The following SRP68 variants were observed in gnomAD, a reference collection of about 807,000 sequenced individuals.
The protein encoded by SRP68 is signal recognition particle 68, also known as signal recognition particle subunit SRP68.
Under a neutral mutation model 82.2 loss-of-function variants are expected in SRP68, and 15 were observed. The ratio of observed to expected loss-of-function variants is 0.18; its 90% CI spans 0.12 to 0.28. The LOEUF is 0.28. Among genes scored for constraint, SRP68 ranks in the 10% least tolerant of loss-of-function variants. The pLI is 1.00. For missense variants in SRP68, 595 were observed against 780.5 expected (o/e 0.76, Z 2.83); for synonymous variants, 261 against 292.6 (o/e 0.89, Z 1.10).
At chr17:76,042,709 C>T (rs1598257199) in intron 13 of SRP68, among the ~76,000 whole-genome samples, 1 of 152,086 alleles carries the variant, frequency 6.6e-6, no homozygotes, top group Admixed American at 6.6e-5. Context: ...CTCAGCTTCT[C>T]AAGTAGCTGG....
At chr17:76,062,578 CAT>C (rs2066764310) in intron 4 of SRP68, among the ~76,000 whole-genome samples, 1 of 36,322 alleles carries the variant, frequency 2.8e-5, no homozygotes, top group Non-Finnish European at 4.2e-5. Flanking sequence ...ATATAATATA[CAT>C]TATATAATAT....
intron 4 of SRP68, 103 bp from the exon 5 acceptor site, chr17:76,061,677 T>C (rs1598267120): frequency 5.3e-6 from 5 of 950,686 alleles, no homozygotes; most frequent in Middle Eastern, 5.3e-4. Context: ...AATATGGATA[T>C]GGGCCAGGTG....
chr17:76,062,766 A>ATATATAT (rs2066776515), intron 4 of SRP68, among the ~76,000 whole-genome samples: 2 of 71,634 alleles, frequency 2.8e-5, no homozygotes, highest in Non-Finnish European at 5.1e-5. Context: ...TATATATATA[A>ATATATAT]AATATATATA....
At chr17:76,069,243 C>A (rs1267656246) in intron 2 of SRP68, among the ~76,000 whole-genome samples, 5 of 150,340 alleles carry the variant, frequency 3.3e-5, no homozygotes, top group Admixed American at 3.3e-4. Flanking sequence ...CAAAAATTAG[C>A]CAGGCATGGT....
chr17:76,045,244 A>C, intron 12 of SRP68, 48 bp downstream of exon 12: 1 of 1,470,404 alleles, frequency 6.8e-7, no homozygotes, highest in South Asian at 1.1e-5. Context: ...CCCAATGCTT[A>C]TAGAACCTGG....
intron 4 of SRP68, 72 bp from the exon 5 acceptor site, chr17:76,061,646 G>T: frequency 1.6e-6 from 2 of 1,288,946 alleles, no homozygotes; most frequent in Non-Finnish European, 2.2e-6. Context: ...TCCTTTATTG[G>T]CTTCTAACTT....
At chr17:76,044,214 AG>A in intron 12 of SRP68, among the ~76,000 whole-genome samples, 1 of 152,270 alleles carries the variant, frequency 6.6e-6, no homozygotes, top group African/African-American at 2.4e-5. Context: ...TCTGCAGAGG[AG>A]GAACAGTTCC....
chr17:76,055,263 G>A (rs144763605), intron 8 of SRP68, among the ~76,000 whole-genome samples: 1,583 of 151,056 alleles, frequency 0.01, 18 homozygotes, highest in African/African-American at 0.035. Flanking sequence ...CACCGCACCC[G>A]GCCTAGGCTG....
intron 8 of SRP68, among the ~76,000 whole-genome samples, chr17:76,051,413 T>A (rs1474472349): frequency 6.6e-6 from 1 of 152,186 alleles, no homozygotes; most frequent in Non-Finnish European, 1.5e-5. Context: ...TCCATTATGG[T>A]ATTTGACTTC....
At chr17:76,043,753 T>G (rs1468317474) in intron 13 of SRP68, 76 bp downstream of exon 13, 5 of 1,468,630 alleles carry the variant, frequency 3.4e-6, no homozygotes, top group Non-Finnish European at 4.5e-6. Context: ...GCCCAGCTGT[T>G]GTACCCTCAC....
chr17:76,060,794 G>C, intron 6 of SRP68: 1 of 352,266 alleles, frequency 2.8e-6, no homozygotes. Flanking sequence ...ATGGATCTCT[G>C]TATCTTTCTC....
At chr17:76,066,130 C>T (rs569121907) in intron 3 of SRP68, among the ~76,000 whole-genome samples, 26 of 152,122 alleles carry the variant, frequency 1.7e-4, no homozygotes, top group African/African-American at 5.5e-4. Flanking sequence ...GTGTATTCAG[C>T]ACTGAAATAC....
chr17:76,057,580 G>C (rs568440356), intron 7 of SRP68, 37 bp from the exon 8 acceptor site: 2 of 1,609,270 alleles, frequency 1.2e-6, no homozygotes, highest in Non-Finnish European at 1.7e-6. Flanking sequence ...GCTTTAACTG[G>C]GGATATGAGT....
intron 8 of SRP68, among the ~76,000 whole-genome samples, chr17:76,051,098 T>C (rs777954420): frequency 6.6e-6 from 1 of 152,188 alleles, no homozygotes; most frequent in Non-Finnish European, 1.5e-5. Flanking sequence ...TTCTCCTAAA[T>C]ATCACACTAA....
Position 76,039,799 on chromosome 17 carries a change from A to G in SRP68, c.1791T>C (p.His597=). ...KPLFFDLALN[H]VAFPPLEDKL... is the part of the protein sequence containing the mutation. ...TGTCCTCAAGGGGTGGGAAAGCCACATGGTTGAGGGCCAGGTCAAAGAACA... is the reference window on the plus strand; with the variant it reads ...TGTCCTCAAGGGGTGGGAAAGCCACGTGGTTGAGGGCCAGGTCAAAGAACA... The change falls in exon 16 of 16, where the codon CAT becomes CAC. Residue 597 remains histidine, a synonymous_variant. Transcript: ENST00000307877. 4.3e-6 allele frequency: 7 copies of G among 1,614,204 alleles called. No homozygotes were observed. The highest frequency in any genetic ancestry group is 5.9e-6 in the Non-Finnish European group (7 of 1,180,036).
chr17:76,061,132 G>A lies in SRP68; in HGVS notation c.732C>T (p.Ile244=). 6.2e-7 allele frequency: 1 copy of A among 1,612,296 alleles called. No individual in the cohort carries two copies. Among genetic ancestry groups the A allele is most frequent in the Non-Finnish European group, 8.5e-7 (1 of 1,178,282 alleles). Residue 244 remains isoleucine (I), a synonymous_variant, in exon 6 of 16, where the codon ATC becomes ATT. Transcript: ENST00000307877. ...CACCAATATTATATGCACAATAGCG[G>A]ATGTTGGGTGAAATCTCTTCCACAC... is the stretch of plus-strand genomic sequence containing the variant. ...NQRVEEISPN[I]RYCAYNIGDQ...
chr17:76,039,628 TATC>T lies in SRP68; in HGVS notation c.*75_*77del. 7.1e-7 allele frequency: 1 copy of T among 1,411,586 alleles called. No homozygotes were observed. The highest frequency in any genetic ancestry group is 2.4e-5 in the East Asian group (1 of 41,896). The allele number at this position is 1,411,586 out of a possible 1,614,324, so 87.4% of individuals were successfully genotyped here. ...CGGGCCAATGCAGACCTGGATTTAA[TATC>T]ATGGAACTTGCTGGGATTTTCTCAC... On this transcript the variant is annotated 3_prime_UTR_variant, in exon 16 of 16. Coordinates refer to ENST00000307877, the MANE Select transcript of SRP68 (RefSeq NM_014230.4).
chr17:76,070,559 A>T, intron 1 of SRP68, 115 bp from the exon 2 acceptor site: 1 of 921,976 alleles, frequency 1.1e-6, no homozygotes, highest in Non-Finnish European at 1.7e-6. Flanking sequence ...TGTGAAATAT[A>T]GCCAGGTACG....
In SRP68 at chr17:76,072,415, C is replaced by A. The variant is rs754741659; in HGVS notation, c.77G>T (p.Gly26Val). 1.1e-5 allele frequency: 18 copies of A among 1,584,922 alleles called. No individual in the cohort carries two copies. Among genetic ancestry groups the A allele is most frequent in the Non-Finnish European group, 1.4e-5 (16 of 1,167,542 alleles). Residue 26 changes from glycine to valine, a missense_variant, in exon 1 of 16, where the codon GGT (glycine) becomes GTT (valine). Coordinates refer to ENST00000307877, the MANE Select transcript of SRP68 (RefSeq NM_014230.4). This position sits in a 1 kb window ranked among gnomAD's most constrained non-coding sequence, Gnocchi z 4.5. ...TCCGGCACCACGTCCACCGCCGCTA[C>A]CGCCGCCGCCACTGCCACCGCCGCC... ...SGGGGGSGGG[G>V]SGGGRGAGGE...
Sources: allele counts gnomAD v4.1 joint callset (sites outside exome capture counted in the v4.1 genomes callset), GRCh38; gene constraint gnomAD v4.1.1; non-coding constraint Gnocchi (gnomAD v3.1); transcripts MANE v1.5; gene names NCBI Gene and HGNC (gene_info 2026-07-23, HGNC 2026-07-21).